Variants in ACOT11 observed in about 807,000 individuals in gnomAD.
The protein encoded by ACOT11 is acyl-coenzyme A thioesterase 11.
Under a neutral mutation model 77.5 loss-of-function variants are expected in ACOT11, and 69 were observed. The observed-to-expected ratio is 0.89, with a 90% confidence interval of 0.73 to 1.09. ACOT11 has a LOEUF of 1.09. ACOT11 is among the 50% of genes least tolerant of loss of function. The pLI, the probability that ACOT11 is intolerant of heterozygous loss-of-function variation, is 0.00. For missense variants in ACOT11, 766 were observed against 813.7 expected, an observed-to-expected ratio of 0.94 and a Z score of 0.71; for synonymous variants, 279 against 313.0, an observed-to-expected ratio of 0.89 and a Z score of 1.15.
chr1:54,604,518 T>C (rs564222412), intron 12 of ACOT11, 89 bp downstream of exon 12: 3 of 1,216,010 alleles, frequency 2.5e-6, no homozygotes, highest in South Asian at 1.3e-5. Context: ...ACACCACTTA[T>C]GTCAAAAAAA....
At chr1:54,559,147 G>A (rs1267802015) in intron 1 of ACOT11, among the ~76,000 whole-genome samples, 4 of 152,212 alleles carry the variant, frequency 2.6e-5, no homozygotes, top group African/African-American at 9.7e-5. Flanking sequence ...CTGGGTCCCC[G>A]TTTCCAGCCC....
chr1:54,633,504 C>G (rs902006203), intron 16 of ACOT11, among the ~76,000 whole-genome samples: 1 of 152,156 alleles, frequency 6.6e-6, no homozygotes, highest in South Asian at 2.1e-4. Context: ...ATACCTTTAG[C>G]TGAGCAAGAC....
At chr1:54,612,555 AAG>A, downstream of ACOT11, 1 of 1,614,016 alleles carries the variant, frequency 6.2e-7, no homozygotes, top group East Asian at 2.2e-5. Context: ...CCGTACAGGG[AAG>A]GTGACCCTCT....
chr1:54,574,606 G>C (rs924378150), intron 1 of ACOT11, among the ~76,000 whole-genome samples: 1 of 152,144 alleles, frequency 6.6e-6, no homozygotes, highest in South Asian at 2.1e-4. Flanking sequence ...CGGTCTGTGG[G>C]GGGTGCTCAC....
At chr1:54,588,260 A>C (rs1654576144) in intron 3 of ACOT11, among the ~76,000 whole-genome samples, 1 of 152,022 alleles carries the variant, frequency 6.6e-6, no homozygotes, top group South Asian at 2.1e-4. Flanking sequence ...TATACCCCAC[A>C]CCCAGGTGCC....
chr1:54,559,895 G>A (rs943817737), intron 1 of ACOT11, among the ~76,000 whole-genome samples: 2 of 152,204 alleles, frequency 1.3e-5, no homozygotes, highest in Non-Finnish European at 2.9e-5. Context: ...CTTGTCCTGG[G>A]CTGACCTGGC....
At chr1:54,593,689 T>A (rs1654793564) in intron 4 of ACOT11, among the ~76,000 whole-genome samples, 1 of 152,158 alleles carries the variant, frequency 6.6e-6, no homozygotes, top group Non-Finnish European at 1.5e-5. Flanking sequence ...AGGGTAGGTC[T>A]GATCACTCCC....
chr1:54,608,752 AG>A (rs1644066173), intron 15 of ACOT11, among the ~76,000 whole-genome samples: 1 of 152,076 alleles, frequency 6.6e-6, no homozygotes, highest in African/African-American at 2.4e-5. Flanking sequence ...TCAGTGCCCG[AG>A]GAAGGGTTGG....
downstream of ACOT11, chr1:54,610,514 G>A: frequency 2.5e-6 from 4 of 1,613,568 alleles, no homozygotes; most frequent in Non-Finnish European, 3.4e-6. Flanking sequence ...AGAGGGATCA[G>A]GCTGCCTCCC....
downstream of ACOT11, among the ~76,000 whole-genome samples, chr1:54,611,983 A>C (rs1293644707): frequency 1.3e-5 from 2 of 151,658 alleles, no homozygotes; most frequent in South Asian, 2.1e-4. Context: ...CTGCCTCCTC[A>C]CTTGCAGTGT....
intron 15 of ACOT11, chr1:54,619,944 T>A: frequency 1.2e-6 from 2 of 1,614,198 alleles, no homozygotes; most frequent in Non-Finnish European, 1.7e-6. Context: ...CCGGCTGATC[T>A]GGCCCAGGCT....
At chr1:54,635,120 T>G (rs1644323926) in exon 17 of ACOT11, 1 of 257,378 alleles carries the variant, frequency 3.9e-6, no homozygotes. Flanking sequence ...CTCAAAAACC[T>G]ATTTGTAAAC....
At chr1:54,624,129 G>A (rs544849244) in intron 15 of ACOT11, among the ~76,000 whole-genome samples, 22 of 152,272 alleles carry the variant, frequency 1.4e-4, no homozygotes, top group South Asian at 1.2e-3. Flanking sequence ...GCCCTGGTAT[G>A]GGAAGCAAGT....
intron 1 of ACOT11, among the ~76,000 whole-genome samples, chr1:54,578,919 A>G (rs1654205404): frequency 6.6e-6 from 1 of 152,234 alleles, no homozygotes; most frequent in Admixed American, 6.5e-5. Flanking sequence ...TAGGCATTCA[A>G]TAACTGTTCA....
chr1:54,574,596 C>T (rs114839370), intron 1 of ACOT11, among the ~76,000 whole-genome samples: 21 of 152,230 alleles, frequency 1.4e-4, no homozygotes, highest in African/African-American at 3.9e-4. Flanking sequence ...ATGAGGAAAC[C>T]GGTCTGTGGG....
chr1:54,588,593 A>G lies in ACOT11; in HGVS notation c.311+2689A>G, dbSNP rs114533593. 5.6e-3 allele frequency among the ~76,000 whole-genome samples: 846 copies of G among 152,172 alleles called. 7 individuals are homozygous for G. The highest frequency in any genetic ancestry group is 0.018 in the African/African-American group (738 of 41,498). On this transcript the variant is annotated intron_variant, in intron 3 of 15. Transcript: ENST00000343744. ...GGGTAGGTGTCGTGGCACTGAGGGT[A>G]GTCAAGGGGGGACTTCCTGGAGGAC...
At chr1:54,603,825 G>A (rs1643992676) in intron 10 of ACOT11, 46 bp from the exon 11 acceptor site, 1 of 1,581,942 alleles carries the variant, frequency 6.3e-7, no homozygotes, top group African/African-American at 1.3e-5. Context: ...TGTGGAAAGT[G>A]CTGAACTTCC....
intron 1 of ACOT11, among the ~76,000 whole-genome samples, chr1:54,560,530 T>C (rs112541313): frequency 5.3e-4 from 80 of 152,326 alleles, no homozygotes; most frequent in African/African-American, 1.9e-3. Flanking sequence ...TTATTAAGCA[T>C]CTGTTTTTGT....
At chr1:54,597,820 C>G (rs556235191) in intron 7 of ACOT11, 178 of 193,938 alleles carry the variant, frequency 9.2e-4, no homozygotes, top group Middle Eastern at 7.0e-3. Flanking sequence ...CGTGCTTCCC[C>G]TACTCTTCTT....
Sources: gnomAD v4.1 joint callset for allele counts (sites outside exome capture counted in the v4.1 genomes callset) on GRCh38, gnomAD v4.1.1 for gene constraint, MANE v1.5 for transcripts, NCBI Gene and HGNC (gene_info 2026-07-23, HGNC 2026-07-21) for gene names.